Variants in AP3B1 observed in about 807,000 individuals in gnomAD.
The protein encoded by AP3B1 is AP-3 complex subunit beta-1.
A neutral mutation model predicts 132.5 loss-of-function variants in AP3B1; 61 were observed. The ratio of observed to expected loss-of-function variants is 0.46; its 90% CI spans 0.37 to 0.57. AP3B1 has a LOEUF of 0.57. Ranked by LOEUF, AP3B1 falls within the 20% of genes least tolerant of loss-of-function variation. The pLI is 0.00. For synonymous variants in AP3B1, 388 were observed against 438.3 expected, an observed-to-expected ratio of 0.89 and a Z score of 1.43; for missense variants, 1,120 against 1,289.4, an observed-to-expected ratio of 0.87 and a Z score of 2.01.
intron 24 of AP3B1, among the ~76,000 whole-genome samples, chr5:78,024,181 T>C (rs1025238457): frequency 6.6e-6 from 1 of 151,988 alleles, no homozygotes; most frequent in Non-Finnish European, 1.5e-5. Flanking sequence ...AAGAGAAACA[T>C]GTAAACACTG....
chr5:78,154,668 G>C (rs1374935879), intron 14 of AP3B1, among the ~76,000 whole-genome samples: 1 of 151,978 alleles, frequency 6.6e-6, no homozygotes. Flanking sequence ...TCCTCTGACT[G>C]TGTATTTTCA....
intron 1 of AP3B1, among the ~76,000 whole-genome samples, chr5:78,275,850 C>T (rs75743913): frequency 0.017 from 2,615 of 152,122 alleles, 85 homozygotes; most frequent in African/African-American, 0.057. Flanking sequence ...GTAAAAAATT[C>T]GAACAACATA....
chr5:78,142,560 A>G (rs890387854), intron 14 of AP3B1, among the ~76,000 whole-genome samples: 1 of 152,182 alleles, frequency 6.6e-6, no homozygotes, highest in Non-Finnish European at 1.5e-5. Context: ...GGACCTTTCC[A>G]TAGCTAAAAT....
rs146537913 is a variant in AP3B1 at position 78,154,956 on chromosome 5, C to T, written c.1473+1302G>A. Among the ~76,000 whole-genome samples, 318 of 152,244 alleles carry T rather than the reference C, an allele frequency of 2.1e-3. 7 individuals are homozygous for T. The highest frequency in any genetic ancestry group is 0.019 in the East Asian group (100 of 5,174). On this transcript the variant is annotated intron_variant, in intron 14 of 26. Transcript: ENST00000255194. ...CTGTTTCTCTAGTATTGGCCCCTGA[C>T]GCCTTATGTAGTTTGTTTGGTGAGG...
In AP3B1 at chr5:78,072,712, C is replaced by CTTTTT. The variant is rs34203981; in HGVS notation, c.2577+16676_2577+16680dup. Among the ~76,000 whole-genome samples the CTTTTT allele has an allele frequency of 2.1e-4, 14 of 68,286 alleles. 1 individual carries two copies. The highest frequency in any genetic ancestry group is 2.7e-4 in the Non-Finnish European group (11 of 41,028). 44.8% of individuals were successfully genotyped at this position (68,286 alleles called of 152,430 possible). ...TGAGTAACAATGTGTCTGATATATT[C>CTTTTT]TTTTTTTTTTTTTTTTTTTTTTTTT... On this transcript the variant is annotated intron_variant, in intron 22 of 26. Transcript: ENST00000255194.
At chr5:78,199,301 T>G (rs999741966) in intron 7 of AP3B1, among the ~76,000 whole-genome samples, 4 of 152,202 alleles carry the variant, frequency 2.6e-5, no homozygotes, top group African/African-American at 9.6e-5. Flanking sequence ...AAAGCATTTT[T>G]CAAATTTTCT....
At chr5:78,275,447 T>C (rs977208190) in intron 1 of AP3B1, among the ~76,000 whole-genome samples, 1 of 152,138 alleles carries the variant, frequency 6.6e-6, no homozygotes, top group Non-Finnish European at 1.5e-5. Flanking sequence ...GACAGACTCA[T>C]GGAAGAAAAA....
chr5:78,238,999 T>C (rs1348260733), intron 3 of AP3B1, among the ~76,000 whole-genome samples: 3 of 149,414 alleles, frequency 2.0e-5, no homozygotes, highest in African/African-American at 7.4e-5. Flanking sequence ...AATGAGAAGG[T>C]TGGAGTGGCA....
At chr5:78,247,168 T>C (rs1358371333) in intron 2 of AP3B1, among the ~76,000 whole-genome samples, 1 of 151,428 alleles carries the variant, frequency 6.6e-6, no homozygotes, top group Admixed American at 6.6e-5. Flanking sequence ...TTTAATTCTA[T>C]ATGGTCAGAT....
intron 20 of AP3B1, among the ~76,000 whole-genome samples, chr5:78,104,928 C>T (rs142099218): frequency 2.0e-5 from 3 of 152,220 alleles, no homozygotes; most frequent in East Asian, 3.9e-4. Context: ...AACACTGCTA[C>T]GTATATACAG....
At position 78,129,507 on chromosome 5, in the gene AP3B1, T is replaced by TGC. The variant is rs200007412; in HGVS notation, c.1651-202_1651-201dup. Among the ~76,000 whole-genome samples the TGC allele has an allele frequency of 4.4e-3, 662 of 152,178 alleles. 16 individuals carry two copies. The highest frequency in any genetic ancestry group is 0.036 in the Admixed American group (543 of 15,256). ...TCCTCTTCTGTACTGGGTAGGTGAA[T>TGC]GCTGAGTATTGAGAAGCAGCCATGT... On this transcript the variant is annotated intron_variant, in intron 15 of 26. Coordinates refer to ENST00000255194, the MANE Select transcript of AP3B1 (RefSeq NM_003664.5).
intron 22 of AP3B1, among the ~76,000 whole-genome samples, chr5:78,071,410 G>A (rs574728055): frequency 1.3e-5 from 2 of 152,092 alleles, no homozygotes; most frequent in Non-Finnish European, 2.9e-5. Flanking sequence ...GCCTGTCAGG[G>A]GGCACGGGAG....
intron 22 of AP3B1, chr5:78,044,281 T>G (rs867115923): frequency 6.6e-6 from 1 of 152,566 alleles, no homozygotes; most frequent in Non-Finnish European, 1.5e-5. Context: ...GTTTTCTTTT[T>G]TGCCATAAAT....
chr5:78,201,128 G>C (rs549787476), intron 7 of AP3B1, among the ~76,000 whole-genome samples: 1 of 152,166 alleles, frequency 6.6e-6, no homozygotes, highest in East Asian at 1.9e-4. Flanking sequence ...TGCACTTCTA[G>C]ATATCAGAAC....
chr5:78,026,127 T>C (rs1019265319), intron 24 of AP3B1, among the ~76,000 whole-genome samples: 18 of 152,188 alleles, frequency 1.2e-4, no homozygotes, highest in African/African-American at 4.3e-4. Flanking sequence ...ACAGATTATC[T>C]CCATTTCTAC....
At chr5:78,075,570 T>G (rs1172282784) in intron 22 of AP3B1, among the ~76,000 whole-genome samples, 1 of 152,242 alleles carries the variant, frequency 6.6e-6, no homozygotes, top group Non-Finnish European at 1.5e-5. Context: ...GTAAGACTAC[T>G]TGCTAGCCAA....
chr5:78,182,240 T>A (rs535649709), intron 7 of AP3B1, among the ~76,000 whole-genome samples: 9 of 152,374 alleles, frequency 5.9e-5, no homozygotes, highest in Middle Eastern at 3.4e-3. Flanking sequence ...CAATAAAATA[T>A]GCCTACAGGC....
chr5:78,193,760 A>ATT (rs1561469542), intron 7 of AP3B1, among the ~76,000 whole-genome samples: 1 of 112,250 alleles, frequency 8.9e-6, no homozygotes, highest in Non-Finnish European at 1.8e-5. Context: ...ATATATATAT[A>ATT]TATATATATA....
intron 11 of AP3B1, among the ~76,000 whole-genome samples, chr5:78,166,131 A>T (rs1287110712): frequency 5.6e-4 from 23 of 40,982 alleles, no homozygotes; most frequent in East Asian, 7.3e-4. Context: ...ACACACACAC[A>T]CACACACACA....
Sources: gnomAD v4.1 joint callset for allele counts (sites outside exome capture counted in the v4.1 genomes callset) on GRCh38, gnomAD v4.1.1 for gene constraint, MANE v1.5 for transcripts, NCBI Gene and HGNC (gene_info 2026-07-23, HGNC 2026-07-21) for gene names.